Variants in DPYD observed in about 807,000 individuals in gnomAD.
DPYD encodes dihydropyrimidine dehydrogenase [NADP(+)].
A neutral mutation model predicts 116.2 loss-of-function variants in DPYD; 109 were observed. The ratio of observed to expected loss-of-function variants is 0.94; its 90% CI spans 0.80 to 1.10. The LOEUF (loss-of-function observed/expected upper bound fraction) is 1.10, where lower values mean the gene tolerates loss of function less well. DPYD is among the 50% of genes least tolerant of loss of function. The pLI is 0.00. For missense variants in DPYD, 1,302 were observed against 1,254.5 expected (o/e 1.04, Z -0.57); for synonymous variants, 440 against 432.0 (o/e 1.02, Z -0.23).
At chr1:97,223,966 A>T (rs1660946715) in intron 19 of DPYD, among the ~76,000 whole-genome samples, 1 of 152,036 alleles carries the variant, frequency 6.6e-6, no homozygotes, top group Non-Finnish European at 1.5e-5. Flanking sequence ...CAAGACCTCA[A>T]GAGTTTATGA....
intron 2 of DPYD, among the ~76,000 whole-genome samples, chr1:97,833,813 A>G (rs939590794): frequency 6.6e-6 from 1 of 152,158 alleles, no homozygotes; most frequent in Non-Finnish European, 1.5e-5. Flanking sequence ...ATGTTTAACC[A>G]GGTGATTTTT....
chr1:97,546,748 G>A, intron 12 of DPYD: 2 of 1,613,118 alleles, frequency 1.2e-6, no homozygotes, highest in South Asian at 2.2e-5. Flanking sequence ...AGGCAAGCCT[G>A]GAAATTATCA....
intron 5 of DPYD, among the ~76,000 whole-genome samples, chr1:97,699,800 G>T (rs896306260): frequency 4.6e-5 from 7 of 151,880 alleles, no homozygotes; most frequent in Non-Finnish European, 1.0e-4. Flanking sequence ...CCCACCTAGA[G>T]GGTACATTAA....
chr1:97,201,043 T>C (rs192756268), intron 19 of DPYD, among the ~76,000 whole-genome samples: 1 of 152,262 alleles, frequency 6.6e-6, no homozygotes, highest in East Asian at 1.9e-4. Context: ...TCTGCAGAGC[T>C]TTTTATCTTT....
intron 20 of DPYD, among the ~76,000 whole-genome samples, chr1:97,120,082 A>C (rs1042519642): frequency 1.3e-5 from 2 of 152,086 alleles, no homozygotes; most frequent in African/African-American, 4.8e-5. Context: ...AAGTTGTACC[A>C]CTTCTCCTGT....
chr1:97,533,943 G>A (rs963692180), intron 12 of DPYD, among the ~76,000 whole-genome samples: 1 of 152,068 alleles, frequency 6.6e-6, no homozygotes, highest in African/African-American at 2.4e-5. Context: ...CTGTTCCCAT[G>A]GTAACTCTAC....
chr1:97,508,376 T>A (rs1372789233), intron 13 of DPYD, among the ~76,000 whole-genome samples: 1 of 151,916 alleles, frequency 6.6e-6, no homozygotes, highest in Non-Finnish European at 1.5e-5. Flanking sequence ...GGGAGGAAGT[T>A]GCCATGTTGG....
chr1:97,786,346 A>C (rs1260371821), intron 3 of DPYD, among the ~76,000 whole-genome samples: 2 of 152,218 alleles, frequency 1.3e-5, no homozygotes, highest in Non-Finnish European at 2.9e-5. Context: ...GTGATATGTA[A>C]AAATGTGGAC....
chr1:97,173,912 C>T (rs1657067772), intron 20 of DPYD, among the ~76,000 whole-genome samples: 1 of 149,866 alleles, frequency 6.7e-6, no homozygotes. Flanking sequence ...GACTCTTTTC[C>T]AATTTGCAAT....
chr1:97,489,907 C>A (rs1278354179), intron 13 of DPYD, among the ~76,000 whole-genome samples: 3 of 152,092 alleles, frequency 2.0e-5, no homozygotes, highest in African/African-American at 7.2e-5. Context: ...CTAGAAATAG[C>A]CTTTAACATT....
intron 5 of DPYD, among the ~76,000 whole-genome samples, chr1:97,701,335 A>G (rs1252384422): frequency 6.6e-6 from 1 of 151,396 alleles, no homozygotes; most frequent in East Asian, 1.9e-4. Context: ...TACAATTTTA[A>G]ATATATAAAG....
At chr1:97,257,600 G>C (rs1180453618) in intron 18 of DPYD, among the ~76,000 whole-genome samples, 2 of 151,476 alleles carry the variant, frequency 1.3e-5, no homozygotes, top group South Asian at 2.1e-4. Flanking sequence ...TATGGTACAA[G>C]TATATCTTCC....
chr1:97,729,793 T>A (rs1216150112), intron 4 of DPYD, among the ~76,000 whole-genome samples: 2 of 152,180 alleles, frequency 1.3e-5, no homozygotes, highest in Non-Finnish European at 1.5e-5. Context: ...CCCCATGAGT[T>A]AGTCAAAATA....
intron 19 of DPYD, among the ~76,000 whole-genome samples, chr1:97,229,117 T>C (rs569230791): frequency 2.7e-5 from 4 of 145,642 alleles, no homozygotes; most frequent in East Asian, 4.1e-4. Flanking sequence ...GGCAGGAGAA[T>C]GGTGTGAACC....
At chr1:97,920,450 C>T (rs558271855) in intron 1 of DPYD, among the ~76,000 whole-genome samples, 1 of 152,250 alleles carries the variant, frequency 6.6e-6, no homozygotes, top group East Asian at 1.9e-4. Context: ...TTGCAAATAG[C>T]AGGATTCAGC....
Position 97,632,792 on chromosome 1 carries a change from T to C in DPYD, c.851-37626A>G, listed in dbSNP as rs1216157832. On this transcript the variant is annotated intron_variant, in intron 8 of 22. Coordinates refer to ENST00000370192, the MANE Select transcript of DPYD (RefSeq NM_000110.4). ...TTACAGGTGTCACTACCTTCATTTGTATAAACTATCCTCAGATAAAAAGAC... is the reference window on the plus strand; with the variant it reads ...TTACAGGTGTCACTACCTTCATTTGCATAAACTATCCTCAGATAAAAAGAC... 1.3e-5 allele frequency among the ~76,000 whole-genome samples: 2 copies of C among 152,270 alleles called. 1 individual carries two copies. The highest frequency in any genetic ancestry group is 4.1e-4 in the South Asian group (2 of 4,826).
intron 13 of DPYD, among the ~76,000 whole-genome samples, chr1:97,464,244 A>G (rs544907529): frequency 3.4e-5 from 1 of 29,124 alleles, no homozygotes. Flanking sequence ...GTCTCAAAAT[A>G]AAATAAAATA....
chr1:97,567,946 C>T (rs542031719), intron 11 of DPYD, among the ~76,000 whole-genome samples: 3 of 151,920 alleles, frequency 2.0e-5, no homozygotes, highest in Admixed American at 6.6e-5. Context: ...TATGTATACA[C>T]GTGCCATGTT....
chr1:97,523,290 G>C (rs551701359), intron 12 of DPYD, among the ~76,000 whole-genome samples: 2 of 152,198 alleles, frequency 1.3e-5, no homozygotes, highest in Non-Finnish European at 2.9e-5. Context: ...AAGAAAAATT[G>C]AAAATAACAA....
Sources: allele counts gnomAD v4.1 joint callset (sites outside exome capture counted in the v4.1 genomes callset), GRCh38; gene constraint gnomAD v4.1.1; transcripts MANE v1.5; gene names NCBI Gene and HGNC (gene_info 2026-07-23, HGNC 2026-07-21).